Variants in SH3BP1 observed in about 807,000 individuals in gnomAD.
SH3BP1 encodes the protein SH3 domain-binding protein 1.
In SH3BP1, 46 loss-of-function variants were observed where a neutral mutation model predicts 69.8. That is an observed-to-expected ratio of 0.66 (90% CI 0.52 to 0.84). The LOEUF is 0.84. Among genes scored for constraint, SH3BP1 ranks in the 40% least tolerant of loss-of-function variants. The pLI is 0.00. For missense variants in SH3BP1, 868 were observed against 930.9 expected (o/e 0.93, Z 0.88); for synonymous variants, 403 against 378.0 (o/e 1.07, Z -0.77).
rs1933040192 is a variant in SH3BP1 at position 37,656,081 on chromosome 22, A to G, written c.*397A>G. ...ATGATAGTTTTATTTTCTGTCCTTG[A>G]AATAAAGAAGCCAATTTTATAAAGG... is the stretch of plus-strand genomic sequence containing the variant. On this transcript the variant is annotated 3_prime_UTR_variant, in exon 18 of 18. Coordinates refer to ENST00000649765, the MANE Select transcript of SH3BP1 (RefSeq NM_018957.6). The G allele has an allele frequency of 7.6e-7, 1 of 1,316,986 alleles. No homozygotes were observed. The highest frequency in any genetic ancestry group is 1.0e-6 in the Non-Finnish European group (1 of 1,004,466). 81.6% of individuals were successfully genotyped at this position (1,316,986 alleles called of 1,614,324 possible).
chr22:37,642,471 CT>C lies in SH3BP1; in HGVS notation c.208-67del, dbSNP rs371711215. ...TTCCCTCCTCCCCTGCCCCAAGGGG[CT>C]GGCCTGGTGCTCAGGCAGGGTGGAG... On this transcript the variant is annotated intron_variant, in intron 3 of 17. Coordinates refer to ENST00000649765, the MANE Select transcript of SH3BP1 (RefSeq NM_018957.6). The C allele has an allele frequency of 2.0e-4, 305 of 1,547,906 alleles. 1 individual carries two copies. In the African/African-American group the frequency reaches 3.8e-3, roughly 19 times the overall value.
rs528526892 is a variant in SH3BP1, at chr22:37,649,938, G to A, written c.1317-214G>A. Reference sequence around the variant, plus strand: ...GTCCAGATCACAACTATGAGGAAAAGGGTCCTTGATTAATTAGTGATGTCT... The same window carrying A: ...GTCCAGATCACAACTATGAGGAAAAAGGTCCTTGATTAATTAGTGATGTCT... On this transcript the variant is annotated intron_variant, in intron 14 of 17. Coordinates refer to ENST00000649765, the MANE Select transcript of SH3BP1 (RefSeq NM_018957.6). 1.0e-5 allele frequency: 7 copies of A among 667,362 alleles called. No homozygotes were observed. The South Asian group carries it at 1.1e-4, about 11-fold the overall frequency. 41.3% of individuals were successfully genotyped at this position (667,362 alleles called of 1,614,324 possible). A position where few individuals can be genotyped will look rare whatever the true frequency, so the allele number is the denominator to read the frequency against.
In SH3BP1 at chr22:37,645,430, C is replaced by CTT. The variant is rs1425957510; in HGVS notation, c.845_846insTT (p.Gln283CysfsTer17). ...GTATGGGGTGTCGCTGGCAACCCAC[C>CTT]TGCAAGAGCTGGGCCGGGAGATTGC... On this transcript the variant is annotated frameshift_variant, in exon 10 of 18. Coordinates refer to ENST00000649765, the MANE Select transcript of SH3BP1 (RefSeq NM_018957.6). LOFTEE classifies it high-confidence loss of function. 6 of 1,613,966 alleles carry CTT rather than the reference C, an allele frequency of 3.7e-6. No individual in the cohort carries two copies. The highest frequency in any genetic ancestry group is 5.1e-6 in the Non-Finnish European group (6 of 1,179,890).
chr22:37,654,173 C>T (rs546102296), intron 17 of SH3BP1, among the ~76,000 whole-genome samples: 6 of 152,288 alleles, frequency 3.9e-5, no homozygotes, highest in African/African-American at 7.2e-5. Flanking sequence ...GCACACAGCA[C>T]GTGCCCACTA....
At chr22:37,641,924 G>A in intron 3 of SH3BP1, 1 of 181,646 alleles carries the variant, frequency 5.5e-6, no homozygotes, top group Non-Finnish European at 1.2e-5. Context: ...AACCCTAGGG[G>A]CAGGCATTGC....
At chr22:37,640,179 C>T (rs1385430700) in intron 1 of SH3BP1, among the ~76,000 whole-genome samples, 1 of 152,136 alleles carries the variant, frequency 6.6e-6, no homozygotes, top group Non-Finnish European at 1.5e-5. Context: ...CCTCACTTGT[C>T]CCCTCTGGAC....
chr22:37,645,568 C>G lies in SH3BP1; in HGVS notation c.924+58C>G, dbSNP rs371739868. The G allele has an allele frequency of 6.5e-6, 10 of 1,548,092 alleles. No homozygotes were observed. In the South Asian group the frequency reaches 1.2e-4, roughly 18 times the overall value. On this transcript the variant is annotated intron_variant, in intron 10 of 17. Transcript: ENST00000649765. The stretch of plus-strand genomic sequence containing the variant: ...ACTGGGGCCCTCATTCTGTCCCAAA[C>G]CGCCCACTTGCTGCCCTTTCCGGGT...
At chr22:37,650,384 G>A in intron 15 of SH3BP1, 135 bp downstream of exon 15, 1 of 1,490,930 alleles carries the variant, frequency 6.7e-7, no homozygotes, top group East Asian at 2.4e-5. Flanking sequence ...CAACGGGGAT[G>A]GTCTGCCTGC....
At chr22:37,646,581 T>TTTTCCCGCCTCCCC (rs1281332430) in intron 10 of SH3BP1, among the ~76,000 whole-genome samples, 1 of 152,112 alleles carries the variant, frequency 6.6e-6, no homozygotes, top group African/African-American at 2.4e-5. Context: ...TGACTGGGCT[T>TTTTCCCGCCTCCCC]CCATTTCCCC....
At chr22:37,646,688 C>T (rs1932790566) in intron 10 of SH3BP1, 130 bp from the exon 11 acceptor site, 3 of 470,934 alleles carry the variant, frequency 6.4e-6, no homozygotes, top group South Asian at 8.8e-5. Context: ...GTGGTGCCCA[C>T]ACTGCCAGCC....
At position 37,655,718 on chromosome 22, in the gene SH3BP1, CCCCT is replaced by C; in HGVS notation, c.*42_*45del. ...TTTCTCCCTAAGCAGCCCTCAGCACCCCCTCCCTCCCCACCTGGCCCTCCCAGGA... is the reference window on the plus strand; with the variant it reads ...TTTCTCCCTAAGCAGCCCTCAGCACCCCCTCCCCACCTGGCCCTCCCAGGA... On this transcript the variant is annotated 3_prime_UTR_variant, in exon 18 of 18. Coordinates refer to ENST00000649765, the MANE Select transcript of SH3BP1 (RefSeq NM_018957.6). 6.9e-7 allele frequency: 1 copy of C among 1,450,884 alleles called. No homozygotes were observed. The highest frequency in any genetic ancestry group is 9.1e-7 in the Non-Finnish European group (1 of 1,100,948). The allele number at this position is 1,450,884 out of a possible 1,614,324, so 89.9% of individuals were successfully genotyped here.
Position 37,641,131 on chromosome 22 carries a change from C to A in SH3BP1, c.65C>A (p.Pro22Gln). The change falls in exon 2 of 18, where the codon CCG becomes CAG. Residue 22 changes from proline (P) to glutamine (Q), a missense_variant. Pro to Gln is a moderately conservative substitution (Grantham distance 76). Around this residue, in one of 3 missense-constraint regions of SH3BP1, gnomAD observed 387 missense variants for 447.9 expected, o/e 0.86. Transcript: ENST00000649765. ...LAQTGSLGRT[P>Q]ETAEFLGEDL... is the part of the protein sequence containing the mutation. ...CCCCCCACCACTCCCCGCAGCACCCCGGAGACCGCTGAGTTCCTGGGTGAG... is the reference window on the plus strand; with the variant it reads ...CCCCCCACCACTCCCCGCAGCACCCAGGAGACCGCTGAGTTCCTGGGTGAG... 6.5e-7 allele frequency: 1 copy of A among 1,541,708 alleles called. No individual in the cohort carries two copies. The highest frequency in any genetic ancestry group is 8.8e-7 in the Non-Finnish European group (1 of 1,141,288).
chr22:37,643,202 C>A (rs753136103), intron 6 of SH3BP1, 28 bp downstream of exon 6: 1 of 1,581,174 alleles, frequency 6.3e-7, no homozygotes, highest in Admixed American at 1.7e-5. Context: ...TCAGGGGGCT[C>A]ATATCTGGGT....
intron 16 of SH3BP1, among the ~76,000 whole-genome samples, chr22:37,653,280 A>G (rs1213290115): frequency 1.3e-5 from 2 of 151,444 alleles, no homozygotes; most frequent in African/African-American, 2.4e-5. Context: ...AAAAAACAAC[A>G]ACAAAAAAAT....
In SH3BP1 at chr22:37,643,798, A is replaced by G. The variant is rs763372153; in HGVS notation, c.618+10A>G. On this transcript the variant is annotated intron_variant, in intron 7 of 17. Transcript: ENST00000649765. The stretch of plus-strand genomic sequence containing the variant: ...AGTGGAGCAATGCAGGGTGAGGGCC[A>G]TGGGGGTCCCCTGGATATGTAGGGG... The G allele has an allele frequency of 6.2e-6, 10 of 1,612,006 alleles. No individual in the cohort carries two copies. In the Admixed American group the frequency reaches 8.3e-5, roughly 13 times the overall value.
intron 17 of SH3BP1, 68 bp from the exon 18 acceptor site, chr22:37,655,204 G>A (rs1239100040): frequency 7.6e-6 from 9 of 1,190,704 alleles, no homozygotes; most frequent in Middle Eastern, 2.9e-4. Context: ...GAGGGGGCAC[G>A]GAGCTTGGTG....
intron 1 of SH3BP1, among the ~76,000 whole-genome samples, chr22:37,640,157 T>C (rs998909881): frequency 2.0e-5 from 3 of 152,120 alleles, no homozygotes; most frequent in Non-Finnish European, 4.4e-5. Context: ...TCTAAGTGGA[T>C]GGTCCTCCTG....
chr22:37,655,510 GGCCTCCCCAGGTCCA>G lies in SH3BP1; in HGVS notation c.1941_1955del (p.Gly648_Pro652del), dbSNP rs1933005906. ...GGCGTTCACCAGCCTCCCCCAGCCC[GGCCTCCCCAGGTCCA>G]GCCTCCCCCAGCCCAGTCTCTTTGA... is the stretch of plus-strand genomic sequence containing the variant. On this transcript the variant is annotated inframe_deletion, in exon 18 of 18. Coordinates refer to ENST00000649765, the MANE Select transcript of SH3BP1 (RefSeq NM_018957.6). 2.4e-6 allele frequency: 3 copies of G among 1,270,956 alleles called. No individual in the cohort carries two copies. Among genetic ancestry groups the G allele is most frequent in the Non-Finnish European group, 3.1e-6 (3 of 982,612 alleles). The allele number at this position is 1,270,956 out of a possible 1,614,324, so 78.7% of individuals were successfully genotyped here.
chr22:37,646,411 A>G (rs970293702), intron 10 of SH3BP1, among the ~76,000 whole-genome samples: 6 of 151,638 alleles, frequency 4.0e-5, no homozygotes, highest in African/African-American at 1.5e-4. Context: ...GCCCACCACC[A>G]TGCCCAGCTA....
Sources: gnomAD v4.1 joint callset for allele counts (sites outside exome capture counted in the v4.1 genomes callset) on GRCh38, gnomAD v4.1.1 for gene constraint, gnomAD v4.1.1 regional missense constraint, MANE v1.5 for transcripts, NCBI Gene and HGNC (gene_info 2026-07-23, HGNC 2026-07-21) for gene names.